TRANK1: variants seen among roughly 807,000 people sequenced by gnomAD.
TRANK1 encodes the protein TPR and ankyrin repeat-containing protein 1.
TRANK1 carries 198 observed loss-of-function variants against 266.0 expected under a neutral mutation model. That is an observed-to-expected ratio of 0.74 (90% confidence interval 0.66 to 0.84). The LOEUF (loss-of-function observed/expected upper bound fraction) is 0.84, where lower values mean the gene tolerates loss of function less well. Ranked by LOEUF, TRANK1 falls within the 40% of genes least tolerant of loss-of-function variation. The pLI, the probability that TRANK1 is intolerant of heterozygous loss-of-function variation, is 0.00. For missense variants in TRANK1, 3,326 were observed against 3,634.6 expected (o/e 0.92, Z 2.18); for synonymous variants, 1,396 against 1,384.1 (o/e 1.01, Z -0.19).
At chr3:36,926,156 A>G (rs146209795) in intron 1 of TRANK1, among the ~76,000 whole-genome samples, 51 of 152,206 alleles carry the variant, frequency 3.4e-4, no homozygotes, top group African/African-American at 1.2e-3. Flanking sequence ...TATACTCTTT[A>G]CAGCCCTTCT....
chr3:36,892,551 G>A (rs911756890), intron 6 of TRANK1, among the ~76,000 whole-genome samples: 1 of 152,144 alleles, frequency 6.6e-6, no homozygotes, highest in Admixed American at 6.5e-5. Flanking sequence ...ATCGCCTTGC[G>A]AGGCGCAGTG....
intron 8 of TRANK1, among the ~76,000 whole-genome samples, chr3:36,884,934 A>G (rs1340619391): frequency 3.0e-5 from 2 of 65,594 alleles, no homozygotes; most frequent in Non-Finnish European, 5.4e-5. Flanking sequence ...TCTGTCTCAG[A>G]AAAAAAAAAA....
intron 13 of TRANK1, among the ~76,000 whole-genome samples, chr3:36,854,391 C>A (rs1211488114): frequency 6.6e-6 from 1 of 151,804 alleles, no homozygotes; most frequent in Non-Finnish European, 1.5e-5. Flanking sequence ...AGAAAGAAAT[C>A]TCAACAACAT....
intron 1 of TRANK1, among the ~76,000 whole-genome samples, chr3:36,909,947 T>C (rs1334978406): frequency 6.6e-6 from 1 of 152,272 alleles, no homozygotes; most frequent in African/African-American, 2.4e-5. Flanking sequence ...GAATAAAGTA[T>C]GCTTTTCTTT....
At chr3:36,936,855 A>G (rs944321482) in intron 1 of TRANK1, among the ~76,000 whole-genome samples, 1 of 152,192 alleles carries the variant, frequency 6.6e-6, no homozygotes, top group Non-Finnish European at 1.5e-5. Flanking sequence ...TAATCCCAGC[A>G]CTTTGGGAGA....
intron 1 of TRANK1, among the ~76,000 whole-genome samples, chr3:36,918,639 G>GAA (rs373479495): frequency 2.7e-4 from 35 of 129,814 alleles, no homozygotes; most frequent in African/African-American, 8.5e-4. Flanking sequence ...AAGAAAGAAA[G>GAA]AGAAAGAAAG....
chr3:36,928,451 T>A (rs569961791), intron 1 of TRANK1, among the ~76,000 whole-genome samples: 3 of 152,190 alleles, frequency 2.0e-5, no homozygotes, highest in Non-Finnish European at 4.4e-5. Context: ...CACCAACCAG[T>A]ACTTCAAAAG....
At chr3:36,836,047 C>T (rs1236123841) in intron 20 of TRANK1, among the ~76,000 whole-genome samples, 1 of 152,068 alleles carries the variant, frequency 6.6e-6, no homozygotes, top group African/African-American at 2.4e-5. Context: ...CAGAAGAATA[C>T]AAATTAAAGC....
chr3:36,892,097 G>T (rs117782887), intron 7 of TRANK1, 105 bp downstream of exon 7: 4 of 1,260,876 alleles, frequency 3.2e-6, no homozygotes, highest in East Asian at 5.2e-5. Flanking sequence ...TATTCAAATG[G>T]TCTGCATTCA....
chr3:36,897,742 C>A (rs143557121), intron 4 of TRANK1, among the ~76,000 whole-genome samples: 35 of 152,326 alleles, frequency 2.3e-4, no homozygotes, highest in Admixed American at 1.3e-3. Context: ...CTTTCACTGG[C>A]AGAGCATAAA....
intron 8 of TRANK1, among the ~76,000 whole-genome samples, chr3:36,884,373 G>A (rs1191504669): frequency 6.6e-6 from 1 of 152,178 alleles, no homozygotes; most frequent in Non-Finnish European, 1.5e-5. Flanking sequence ...TGATTCCAGG[G>A]CTGGGACAGG....
intron 1 of TRANK1, among the ~76,000 whole-genome samples, chr3:36,941,795 G>A (rs1412108825): frequency 6.6e-6 from 1 of 152,154 alleles, no homozygotes; most frequent in Non-Finnish European, 1.5e-5. Flanking sequence ...TTCCTGTAAA[G>A]ATTTCTTAAC....
intron 23 of TRANK1, among the ~76,000 whole-genome samples, chr3:36,829,118 TTTTG>T (rs892846781): frequency 1.8e-4 from 27 of 152,214 alleles, no homozygotes; most frequent in African/African-American, 6.5e-4. Flanking sequence ...TCCCCAGTGA[TTTTG>T]TTTGTTTTAT....
intron 21 of TRANK1, 171 bp downstream of exon 21, chr3:36,834,591 T>C: frequency 1.6e-6 from 1 of 636,510 alleles, no homozygotes; most frequent in African/African-American, 1.9e-5. Flanking sequence ...GAAAATAGAG[T>C]CCTGCTCTCA....
chr3:36,934,255 A>G (rs199731270), intron 1 of TRANK1, among the ~76,000 whole-genome samples: 1 of 152,186 alleles, frequency 6.6e-6, no homozygotes, highest in East Asian at 1.9e-4. Flanking sequence ...TTGCAGCCTT[A>G]CTTCCTACCC....
intron 2 of TRANK1, among the ~76,000 whole-genome samples, chr3:36,907,043 G>C (rs1417043898): frequency 6.6e-6 from 1 of 152,212 alleles, no homozygotes; most frequent in African/African-American, 2.4e-5. Flanking sequence ...GAAGCCAGCT[G>C]TCTTCTGTGG....
chr3:36,829,795 G>A (rs528882555), intron 22 of TRANK1, 133 bp from the exon 23 acceptor site: 46 of 903,862 alleles, frequency 5.1e-5, no homozygotes, highest in South Asian at 3.2e-4. Flanking sequence ...CCTCCTTATC[G>A]GGTAAGGGAC....
intron 1 of TRANK1, among the ~76,000 whole-genome samples, chr3:36,923,293 T>C (rs1269300346): frequency 2.0e-5 from 3 of 148,178 alleles, no homozygotes; most frequent in Non-Finnish European, 4.4e-5. Flanking sequence ...CCCGCTCCAG[T>C]TGTGCAGGCT....
At chr3:36,877,724 T>C (rs1302240882) in intron 8 of TRANK1, among the ~76,000 whole-genome samples, 1 of 152,230 alleles carries the variant, frequency 6.6e-6, no homozygotes, top group African/African-American at 2.4e-5. Context: ...ATTATACATA[T>C]ACATTACTAG....
Sources: gnomAD v4.1 joint callset for allele counts (sites outside exome capture counted in the v4.1 genomes callset) on GRCh38, gnomAD v4.1.1 for gene constraint, MANE v1.5 for transcripts, NCBI Gene and HGNC (gene_info 2026-07-23, HGNC 2026-07-21) for gene names.